The following DNAH17 variants were observed in gnomAD, a reference collection of about 807,000 sequenced individuals.
DNAH17 encodes the protein axonemal beta dynein heavy chain 17.
Under a neutral mutation model 485.6 loss-of-function variants are expected in DNAH17, and 376 were observed. The observed-to-expected ratio is 0.77, with a 90% confidence interval of 0.71 to 0.84. The LOEUF is 0.84. Among genes scored for constraint, DNAH17 ranks in the 40% least tolerant of loss-of-function variants. The probability of loss-of-function intolerance (pLI) is 0.00; values close to 1 mark genes in which losing one functional copy is unlikely to be tolerated. For synonymous variants in DNAH17, 3,031 were observed against 2,405.9 expected (o/e 1.26, Z -7.60); for missense variants, 6,370 against 5,839.3 (o/e 1.09, Z -2.96).
At chr17:78,533,686 A>T (rs922414322) in intron 19 of DNAH17, among the ~76,000 whole-genome samples, 1 of 152,058 alleles carries the variant, frequency 6.6e-6, no homozygotes, top group African/African-American at 2.4e-5. Context: ...TGAAATTTTG[A>T]CATCTTATTT....
chr17:78,562,914 G>T (rs2092188260), intron 11 of DNAH17, among the ~76,000 whole-genome samples: 1 of 152,222 alleles, frequency 6.6e-6, no homozygotes, highest in Non-Finnish European at 1.5e-5. Context: ...AGTGCTGGGT[G>T]TGAGTGGGAA....
chr17:78,469,490 T>A (rs2146569512), intron 54 of DNAH17, among the ~76,000 whole-genome samples: 1 of 152,300 alleles, frequency 6.6e-6, no homozygotes, highest in African/African-American at 2.4e-5. Context: ...TGGCTCATGC[T>A]TATAATTCTA....
intron 15 of DNAH17, among the ~76,000 whole-genome samples, chr17:78,552,070 T>C (rs2091914491): frequency 6.6e-6 from 1 of 152,130 alleles, no homozygotes; most frequent in East Asian, 1.9e-4. Flanking sequence ...TGGAACATGA[T>C]TCCCAGAAGA....
intron 62 of DNAH17, among the ~76,000 whole-genome samples, chr17:78,456,298 C>CAAAACA (rs57678764): frequency 0.022 from 3,320 of 152,052 alleles, 41 homozygotes; most frequent in South Asian, 0.035. Context: ...GACTTCATCT[C>CAAAACA]AAAACAAAAA....
intron 26 of DNAH17, among the ~76,000 whole-genome samples, chr17:78,513,866 T>C (rs1041536247): frequency 1.3e-5 from 2 of 152,246 alleles, no homozygotes; most frequent in African/African-American, 2.4e-5. Flanking sequence ...CTCTGCTTCC[T>C]TGAGAGCAGG....
intron 48 of DNAH17, 67 bp from the exon 49 acceptor site, chr17:78,480,853 T>A (rs1234682705): frequency 3.6e-6 from 4 of 1,123,116 alleles, no homozygotes; most frequent in Non-Finnish European, 5.3e-6. Context: ...GCCCCCACTG[T>A]GCTCCCAAGA....
chr17:78,572,921 G>GC (rs779370081), intron 2 of DNAH17, 27 bp from the exon 3 acceptor site: 22 of 1,594,584 alleles, frequency 1.4e-5, no homozygotes, highest in African/African-American at 4.0e-5. Flanking sequence ...CTGTGGTTCC[G>GC]CCCCCTGTGC....
intron 18 of DNAH17, among the ~76,000 whole-genome samples, chr17:78,538,138 CAAAAAAAAA>C (rs60460125): frequency 2.6e-4 from 28 of 106,266 alleles, no homozygotes; most frequent in East Asian, 1.4e-3. Context: ...ACTCTGTCTC[CAAAAAAAAA>C]AAAAAAAAAA....
At chr17:78,567,829 TTG>T (rs1268313500) in intron 9 of DNAH17, among the ~76,000 whole-genome samples, 2 of 152,092 alleles carry the variant, frequency 1.3e-5, no homozygotes, top group Non-Finnish European at 2.9e-5. Context: ...CGTTAGCTGG[TTG>T]TGTGTGTGCA....
intron 2 of DNAH17, among the ~76,000 whole-genome samples, chr17:78,574,502 CAA>C (rs780149334): frequency 6.0e-5 from 8 of 132,898 alleles, no homozygotes; most frequent in Admixed American, 7.6e-5. Context: ...GACCCTGTCT[CAA>C]AAAAAAAAAA....
chr17:78,534,901 C>T (rs754384782), intron 19 of DNAH17, among the ~76,000 whole-genome samples: 5 of 152,158 alleles, frequency 3.3e-5, no homozygotes, highest in Non-Finnish European at 7.4e-5. Context: ...GGAAGCATCC[C>T]TTGGGTACTC....
intron 25 of DNAH17, among the ~76,000 whole-genome samples, chr17:78,515,485 G>C (rs1490755247): frequency 6.6e-6 from 1 of 151,926 alleles, no homozygotes; most frequent in Non-Finnish European, 1.5e-5. Context: ...CTTCGGCCTG[G>C]GTGACAGAGT....
chr17:78,493,056 G>A (rs577388682), intron 41 of DNAH17: 1 of 241,348 alleles, frequency 4.1e-6, no homozygotes, highest in East Asian at 1.2e-4. Flanking sequence ...TCACCATGTT[G>A]GTCAGGCTGG....
chr17:78,501,894 G>C (rs773965453), intron 33 of DNAH17, 21 bp from the exon 34 acceptor site: 6 of 1,613,598 alleles, frequency 3.7e-6, no homozygotes, highest in Non-Finnish European at 5.1e-6. Flanking sequence ...GAGTGCCTTC[G>C]ATGAGACACC....
Position 78,571,479 on chromosome 17 carries a change from G to A in DNAH17, c.733-101C>T, listed in dbSNP as rs2143733379. 4.0e-6 allele frequency: 6 copies of A among 1,483,392 alleles called. No homozygotes were observed. In the Admixed American group the frequency reaches 1.0e-4, roughly 26 times the overall value. The allele number at this position is 1,483,392 out of a possible 1,614,324, so 91.9% of individuals were successfully genotyped here. A position where few individuals can be genotyped will look rare whatever the true frequency, so the allele number is the denominator to read the frequency against. ...GGCTGGAGCTGCAGAATTTACGCAG[G>A]TCATCAGAGCCCTCAGGACTCCTGG... On this transcript the variant is annotated intron_variant, in intron 4 of 80. Coordinates refer to ENST00000389840, the MANE Select transcript of DNAH17 (RefSeq NM_173628.4).
rs745976028 is a variant in DNAH17 at position 78,458,558 on chromosome 17, C to G, written c.9977+7G>C. ...GCAGGAGGGTGGTCTCGGGGAGGAG[C>G]TGATACCTGTTCGCCAGTAAGATCA... On this transcript the variant is annotated splice_region_variant and intron_variant, in intron 62 of 80. Coordinates refer to ENST00000389840, the MANE Select transcript of DNAH17 (RefSeq NM_173628.4). The G allele has an allele frequency of 1.2e-6, 2 of 1,611,686 alleles. No individual in the cohort carries two copies. Among genetic ancestry groups the G allele is most frequent in the South Asian group, 1.1e-5 (1 of 91,016 alleles).
chr17:78,537,300 T>G lies in DNAH17; in HGVS notation c.2858A>C (p.Lys953Thr), dbSNP rs536277287. The change falls in exon 19 of 81, where the codon AAG (lysine) becomes ACG (threonine). Residue 953 changes from lysine to threonine, a missense_variant and splice_region_variant. Coordinates refer to ENST00000389840, the MANE Select transcript of DNAH17 (RefSeq NM_173628.4). ...CGGCCAGAAGAGGCCAGGACTGACCTTGTAGTTCATCCTGTCCTTGGCCAG... is the reference window on the plus strand; with the variant it reads ...CGGCCAGAAGAGGCCAGGACTGACCGTGTAGTTCATCCTGTCCTTGGCCAG... ...PRLAKDRMNY[K>T]MDLEDNTDLI... 14 of 1,560,494 alleles carry G rather than the reference T, an allele frequency of 9.0e-6. No homozygotes were observed. The African/African-American group carries it at 1.9e-4, about 21-fold the overall frequency.
intron 70 of DNAH17, 91 bp downstream of exon 70, chr17:78,445,467 G>A: frequency 6.7e-7 from 1 of 1,482,436 alleles, no homozygotes; most frequent in Non-Finnish European, 9.0e-7. Flanking sequence ...ACAGAGCCTG[G>A]TATTCTGGCC....
intron 44 of DNAH17, among the ~76,000 whole-genome samples, chr17:78,487,854 G>A (rs1364078849): frequency 2.0e-5 from 3 of 152,104 alleles, no homozygotes; most frequent in African/African-American, 7.2e-5. Context: ...AGTGTGCTCT[G>A]GGGGAGCTCC....
Sources: allele counts gnomAD v4.1 joint callset (sites outside exome capture counted in the v4.1 genomes callset), GRCh38; gene constraint gnomAD v4.1.1; transcripts MANE v1.5; gene names NCBI Gene and HGNC (gene_info 2026-07-23, HGNC 2026-07-21).